Variants in ELP4 observed in about 807,000 individuals in gnomAD.
The protein encoded by ELP4 is elongator complex protein 4.
In ELP4, 51 loss-of-function variants were observed where a neutral mutation model predicts 48.9. That is an observed-to-expected ratio of 1.04 (90% CI 0.83 to 1.32). The LOEUF (loss-of-function observed/expected upper bound fraction) is 1.32, where lower values mean the gene tolerates loss of function less well. Among genes scored for constraint, ELP4 ranks in the 40% most tolerant of loss-of-function variants. The pLI, the probability that ELP4 is intolerant of heterozygous loss-of-function variation, is 0.00. For missense variants in ELP4, 519 were observed against 514.6 expected (o/e 1.01, Z -0.08); for synonymous variants, 210 against 189.2 (o/e 1.11, Z -0.90).
intron 7 of ELP4, among the ~76,000 whole-genome samples, chr11:31,644,607 T>A (rs974340378): frequency 5.3e-5 from 8 of 151,814 alleles, no homozygotes; most frequent in African/African-American, 1.9e-4. Context: ...ATTATTATGC[T>A]TTTATGGGTT....
At chr11:31,760,283 C>T (rs1286810031) in intron 9 of ELP4, among the ~76,000 whole-genome samples, 2 of 152,168 alleles carry the variant, frequency 1.3e-5, no homozygotes, top group Non-Finnish European at 2.9e-5. Context: ...TTCCTAATGG[C>T]ACAACTTTGA....
intron 9 of ELP4, among the ~76,000 whole-genome samples, chr11:31,686,867 TC>T (rs1946172480): frequency 8.1e-6 from 1 of 123,472 alleles, no homozygotes; most frequent in Non-Finnish European, 1.7e-5. Flanking sequence ...AGACCCTGCT[TC>T]AAAAAAAAAA....
intron 9 of ELP4, among the ~76,000 whole-genome samples, chr11:31,742,444 A>C (rs188021016): frequency 2.0e-5 from 3 of 152,298 alleles, no homozygotes; most frequent in East Asian, 3.9e-4. Flanking sequence ...AAGACACATA[A>C]TTGTCAGATT....
intron 3 of ELP4, among the ~76,000 whole-genome samples, chr11:31,585,758 G>A (rs1187198471): frequency 6.6e-6 from 1 of 152,150 alleles, no homozygotes; most frequent in Admixed American, 6.5e-5. Flanking sequence ...GCAGTAACAG[G>A]CTTATGATAG....
At chr11:31,769,732 CAG>C (rs1384085105) in intron 9 of ELP4, among the ~76,000 whole-genome samples, 3 of 152,066 alleles carry the variant, frequency 2.0e-5, no homozygotes, top group African/African-American at 7.2e-5. Flanking sequence ...AGTAAACAAA[CAG>C]AAAGATATTG....
chr11:31,643,241 T>G (rs994810209), intron 7 of ELP4, among the ~76,000 whole-genome samples: 1 of 151,908 alleles, frequency 6.6e-6, no homozygotes, highest in East Asian at 1.9e-4. Context: ...TAGCCCCAAA[T>G]CTGTTATTTG....
intron 6 of ELP4, among the ~76,000 whole-genome samples, chr11:31,631,063 A>G (rs1944851007): frequency 6.6e-6 from 1 of 152,178 alleles, no homozygotes; most frequent in African/African-American, 2.4e-5. Flanking sequence ...TTATTCATTT[A>G]CTAGCTTATG....
chr11:31,734,914 A>G (rs1232470134), intron 9 of ELP4, among the ~76,000 whole-genome samples: 1 of 152,196 alleles, frequency 6.6e-6, no homozygotes, highest in Non-Finnish European at 1.5e-5. Context: ...AATCATGAGA[A>G]AGAAGAACAA....
intron 9 of ELP4, among the ~76,000 whole-genome samples, chr11:31,724,827 T>C (rs1384316549): frequency 6.6e-6 from 1 of 152,260 alleles, no homozygotes; most frequent in African/African-American, 2.4e-5. Context: ...CTTTGTGTTA[T>C]TCTGCAGCTT....
intron 9 of ELP4, among the ~76,000 whole-genome samples, chr11:31,683,650 A>C (rs916667342): frequency 3.9e-5 from 6 of 152,202 alleles, no homozygotes; most frequent in African/African-American, 1.4e-4. Context: ...CTATTAAGAT[A>C]ATTTGCTAAA....
At chr11:31,680,391 C>T (rs1946030279) in intron 9 of ELP4, among the ~76,000 whole-genome samples, 2 of 152,286 alleles carry the variant, frequency 1.3e-5, no homozygotes, top group Middle Eastern at 3.4e-3. Context: ...GATATTTCTG[C>T]ACCTGCATCA....
rs1949464338 is a variant in ELP4, at chr11:31,790,272, CCT to C, written c.*6751_*6752del. ...ATCCAAAGGAAAAGAAAAAAAAAAT[CCT>C]CTGTTTGTTTGCATGTTTGGAACTT... is the stretch of plus-strand genomic sequence containing the variant. On this transcript the variant is annotated 3_prime_UTR_variant, in exon 10 of 10. Coordinates refer to ENST00000640961, the MANE Select transcript of ELP4 (RefSeq NM_019040.5). The C allele has an allele frequency of 1.1e-5, 6 of 536,236 alleles. No individual in the cohort carries two copies. Among genetic ancestry groups the C allele is most frequent in the Non-Finnish European group, 1.8e-5 (6 of 332,248 alleles). 33.2% of individuals were successfully genotyped at this position (536,236 alleles called of 1,614,324 possible). A position where few individuals can be genotyped will look rare whatever the true frequency, so the allele number is the denominator to read the frequency against.
chr11:31,596,259 G>T (rs1039526330), intron 4 of ELP4, among the ~76,000 whole-genome samples: 2 of 152,136 alleles, frequency 1.3e-5, no homozygotes, highest in Non-Finnish European at 2.9e-5. Context: ...ACAAAAATTA[G>T]CTGGGCGTGG....
At chr11:31,696,965 G>A (rs1368333145) in intron 9 of ELP4, among the ~76,000 whole-genome samples, 2 of 151,956 alleles carry the variant, frequency 1.3e-5, no homozygotes, top group Non-Finnish European at 2.9e-5. Flanking sequence ...GATGGAGGAA[G>A]ATCTACCAAG....
intron 9 of ELP4, among the ~76,000 whole-genome samples, chr11:31,723,706 C>A (rs543286578): frequency 6.6e-6 from 1 of 152,148 alleles, no homozygotes. Context: ...TGTGGTAAAG[C>A]GCACATGGAG....
intron 9 of ELP4, among the ~76,000 whole-genome samples, chr11:31,659,016 A>G (rs1945498604): frequency 6.6e-6 from 1 of 152,086 alleles, no homozygotes; most frequent in Non-Finnish European, 1.5e-5. Context: ...GAATATTATG[A>G]AAAAGTTTTC....
At chr11:31,735,902 A>G (rs1387791940) in intron 9 of ELP4, among the ~76,000 whole-genome samples, 2 of 152,184 alleles carry the variant, frequency 1.3e-5, no homozygotes, top group African/African-American at 4.8e-5. Flanking sequence ...CATACTTCCC[A>G]AGGTAATTTA....
At chr11:31,697,904 A>T (rs1423441953) in intron 9 of ELP4, among the ~76,000 whole-genome samples, 2 of 151,296 alleles carry the variant, frequency 1.3e-5, no homozygotes, top group Admixed American at 6.6e-5. Flanking sequence ...AGAAAAAGTT[A>T]AAAAAAAACC....
At chr11:31,632,452 T>G (rs367980105) in intron 7 of ELP4, 47 bp downstream of exon 7, 12 of 1,469,126 alleles carry the variant, frequency 8.2e-6, no homozygotes, top group Non-Finnish European at 1.1e-5. Flanking sequence ...AGTAATATAG[T>G]ATGACATTGT....
Sources: allele counts gnomAD v4.1 joint callset (sites outside exome capture counted in the v4.1 genomes callset), GRCh38; gene constraint gnomAD v4.1.1; transcripts MANE v1.5; gene names NCBI Gene and HGNC (gene_info 2026-07-23, HGNC 2026-07-21).